Variants in YAE1 observed in about 807,000 individuals in gnomAD.
YAE1 encodes the protein protein YAE1 homolog.
In YAE1, 22 loss-of-function variants were observed where a neutral mutation model predicts 23.0. The ratio of observed to expected loss-of-function variants is 0.96; its 90% CI spans 0.68 to 1.37. The LOEUF is 1.37. YAE1 is among the 40% of genes most tolerant of loss of function. The probability of loss-of-function intolerance (pLI) is 0.00; values close to 1 mark genes in which losing one functional copy is unlikely to be tolerated. For synonymous variants in YAE1, 101 were observed against 97.0 expected (o/e 1.04, Z -0.24); for missense variants, 260 against 262.1 (o/e 0.99, Z 0.06).
intron 1 of YAE1, chr7:39,569,423 T>C: frequency 2.1e-6 from 1 of 478,900 alleles, no homozygotes; most frequent in South Asian, 1.7e-5. Flanking sequence ...GTTATGGCAT[T>C]CTGTGGAAAG....
intron 2 of YAE1, among the ~76,000 whole-genome samples, chr7:39,601,622 T>C (rs183284229): frequency 5.3e-4 from 80 of 152,032 alleles, no homozygotes; most frequent in Non-Finnish European, 9.3e-4. Flanking sequence ...TAGTCGGGCA[T>C]GGTGGCGGGC....
chr7:39,576,452 T>G (rs1790657905), downstream of YAE1, among the ~76,000 whole-genome samples: 1 of 152,238 alleles, frequency 6.6e-6, no homozygotes, highest in Non-Finnish European at 1.5e-5. Context: ...TTTTCCCACC[T>G]GCCTCTTTCC....
intron 2 of YAE1, among the ~76,000 whole-genome samples, chr7:39,588,836 T>A (rs978708927): frequency 6.6e-6 from 1 of 152,250 alleles, no homozygotes; most frequent in African/African-American, 2.4e-5. Flanking sequence ...TTTTTTCTTT[T>A]TTTTGGAGAC....
intron 2 of YAE1, among the ~76,000 whole-genome samples, chr7:39,579,239 G>A (rs2876856): frequency 0.33 from 50,388 of 152,038 alleles, 8,820 homozygotes; most frequent in Admixed American, 0.38. Context: ...GCACCAAGAA[G>A]GCTAAGTAAT....
chr7:39,595,358 G>A (rs923274332), intron 2 of YAE1, among the ~76,000 whole-genome samples: 2 of 151,994 alleles, frequency 1.3e-5, no homozygotes, highest in Non-Finnish European at 2.9e-5. Context: ...TCTGAGTTAA[G>A]GGGATTTGAG....
intron 2 of YAE1, among the ~76,000 whole-genome samples, chr7:39,592,542 A>G (rs1201156657): frequency 6.6e-6 from 1 of 152,246 alleles, no homozygotes; most frequent in Non-Finnish European, 1.5e-5. Context: ...AAAAATGCAC[A>G]TACTACCACC....
chr7:39,599,192 A>G (rs570692355), intron 2 of YAE1, among the ~76,000 whole-genome samples: 4 of 152,110 alleles, frequency 2.6e-5, no homozygotes, highest in Admixed American at 6.6e-5. Context: ...GTGAGCCAAG[A>G]TCATGCCATT....
intron 2 of YAE1, among the ~76,000 whole-genome samples, chr7:39,584,935 C>T (rs1389285912): frequency 6.6e-6 from 1 of 152,170 alleles, no homozygotes; most frequent in African/African-American, 2.4e-5. Flanking sequence ...TAGCAGCCTC[C>T]ACCTAGCAAA....
chr7:39,574,441 G>A (rs990466987), downstream of YAE1, among the ~76,000 whole-genome samples: 2 of 151,850 alleles, frequency 1.3e-5, no homozygotes, highest in Admixed American at 1.3e-4. Flanking sequence ...CTAGTAAAAT[G>A]AAAAAAATCC....
At chr7:39,607,762 G>C (rs762403962) in intron 2 of YAE1, among the ~76,000 whole-genome samples, 2 of 152,110 alleles carry the variant, frequency 1.3e-5, no homozygotes, top group African/African-American at 2.4e-5. Flanking sequence ...TCTGCCTCCC[G>C]GGTTCAAGCA....
chr7:39,587,003 CTTTCT>C (rs10675369), intron 2 of YAE1, among the ~76,000 whole-genome samples: 69 of 149,244 alleles, frequency 4.6e-4, no homozygotes, highest in African/African-American at 1.4e-3. Context: ...TGGAAAGAGT[CTTTCT>C]TTTCTTTTCT....
chr7:39,575,965 C>T (rs1193437702), downstream of YAE1, among the ~76,000 whole-genome samples: 3 of 152,172 alleles, frequency 2.0e-5, no homozygotes, highest in African/African-American at 7.2e-5. Flanking sequence ...CATTACTATT[C>T]CCTATCATTT....
intron 2 of YAE1, among the ~76,000 whole-genome samples, chr7:39,600,411 T>C (rs1234629476): frequency 6.6e-6 from 1 of 152,082 alleles, no homozygotes; most frequent in Non-Finnish European, 1.5e-5. Flanking sequence ...TATTTATTTA[T>C]TTTTGGGATG....
chr7:39,572,255 C>A, intron 2 of YAE1, 22 bp from the exon 3 acceptor site: 1 of 1,571,322 alleles, frequency 6.4e-7, no homozygotes, highest in South Asian at 1.2e-5. Context: ...GCTATTTAAC[C>A]CTTGTTTATA....
intron 2 of YAE1, among the ~76,000 whole-genome samples, chr7:39,598,654 G>A (rs1043050850): frequency 6.6e-6 from 1 of 151,698 alleles, no homozygotes; most frequent in Non-Finnish European, 1.5e-5. Context: ...GCTCATGCCT[G>A]TAGTCCCAGC....
chr7:39,568,258 A>AAT lies in YAE1; in HGVS notation c.129+1725_129+1726dup, dbSNP rs531569572. 2.7e-3 allele frequency among the ~76,000 whole-genome samples: 404 copies of AAT among 150,038 alleles called. 1 individual carries two copies. Among genetic ancestry groups the AAT allele is most frequent in the African/African-American group, 9.0e-3 (369 of 41,004 alleles). On this transcript the variant is annotated intron_variant, in intron 1 of 2. Coordinates refer to ENST00000223273, the MANE Select transcript of YAE1 (RefSeq NM_020192.5). ...ATCTCAAAAAATAATGATAATAATA[A>AAT]ATATATATATATATAGTTAATGATT...
intron 2 of YAE1, among the ~76,000 whole-genome samples, chr7:39,601,959 G>A: frequency 6.6e-6 from 1 of 152,242 alleles, no homozygotes; most frequent in African/African-American, 2.4e-5. Context: ...TGCCCAGCAA[G>A]TGGTTATCTA....
downstream of YAE1, chr7:39,572,948 A>G (rs898159910): frequency 2.0e-6 from 2 of 1,017,056 alleles, no homozygotes; most frequent in Non-Finnish European, 1.2e-6. Context: ...TGTCATTGAC[A>G]TTTCCAAACT....
At position 39,572,734 on chromosome 7, in the gene YAE1, A is replaced by T; in HGVS notation, c.*28A>T. 1 of 1,538,922 alleles carries T rather than the reference A, an allele frequency of 6.5e-7. No individual in the cohort carries two copies. ...TTACCTTCCCTTTTCTAATGAAAAT[A>T]ATGTTCAGAACATTTGGTTTCCTAA... is the stretch of plus-strand genomic sequence containing the variant. On this transcript the variant is annotated 3_prime_UTR_variant, in exon 3 of 3. Transcript: ENST00000223273.
Sources: allele counts gnomAD v4.1 joint callset (sites outside exome capture counted in the v4.1 genomes callset), GRCh38; gene constraint gnomAD v4.1.1; transcripts MANE v1.5; gene names NCBI Gene and HGNC (gene_info 2026-07-23, HGNC 2026-07-21).